Variants in PLPP4 observed in about 807,000 individuals in gnomAD.
PLPP4 encodes the protein phospholipid phosphatase 4, also known as diacylglycerol pyrophosphate like 2.
Under a neutral mutation model 32.2 loss-of-function variants are expected in PLPP4, and 20 were observed. That is an observed-to-expected ratio of 0.62 (90% CI 0.44 to 0.90). The LOEUF is 0.90. PLPP4 is among the 40% of genes least tolerant of loss of function. The pLI is 0.00. For missense variants in PLPP4, 257 were observed against 353.1 expected (o/e 0.73, Z 2.18); for synonymous variants, 127 against 133.0 (o/e 0.95, Z 0.31).
intron 2 of PLPP4, among the ~76,000 whole-genome samples, chr10:120,506,785 G>T (rs1322688312): frequency 6.6e-6 from 1 of 152,172 alleles, no homozygotes; most frequent in South Asian, 2.1e-4. Context: ...TTGCACTTTC[G>T]CTGTCTGTGG....
At chr10:120,493,981 T>C (rs1564793978) in intron 1 of PLPP4, among the ~76,000 whole-genome samples, 1 of 152,110 alleles carries the variant, frequency 6.6e-6, no homozygotes, top group African/African-American at 2.4e-5. Flanking sequence ...AATTGACTTA[T>C]TGAATAATTC....
At position 120,565,303 on chromosome 10, in the gene PLPP4, ATTTG is replaced by A. The variant is rs1168885212; in HGVS notation, c.446-9822_446-9819del. 4.0e-5 allele frequency among the ~76,000 whole-genome samples: 5 copies of A among 124,640 alleles called. No individual in the cohort carries two copies. In the Admixed American group the frequency reaches 4.1e-4, roughly 10 times the overall value. 81.8% of individuals were successfully genotyped at this position (124,640 alleles called of 152,430 possible). On this transcript the variant is annotated intron_variant, in intron 5 of 6. Transcript: ENST00000398250. ...AAACATATCCCTTACATTTCCTTTG[ATTTG>A]TTTGTGTGGTGTGTGTGTGTGTGTG...
intron 1 of PLPP4, among the ~76,000 whole-genome samples, chr10:120,466,937 A>G (rs1848350431): frequency 6.6e-6 from 1 of 152,212 alleles, no homozygotes; most frequent in Non-Finnish European, 1.5e-5. Flanking sequence ...CTGACATCAC[A>G]GTGTAATAAT....
chr10:120,498,436 A>G (rs1845072754), intron 1 of PLPP4, among the ~76,000 whole-genome samples: 1 of 152,240 alleles, frequency 6.6e-6, no homozygotes, highest in Non-Finnish European at 1.5e-5. Flanking sequence ...GAAATGATTC[A>G]TAAATGATAC....
At position 120,507,385 on chromosome 10, in the gene PLPP4, CATT is replaced by C. The variant is rs756684437; in HGVS notation, c.165+3462_165+3464del. On this transcript the variant is annotated intron_variant, in intron 2 of 6. Transcript: ENST00000398250. ...TTATCATCATCATCATCATCATCAT[CATT>C]ATCATCATCATCATCAACAACAGTA... Among the ~76,000 whole-genome samples the C allele has an allele frequency of 1.6e-4, 21 of 131,996 alleles. No individual in the cohort carries two copies. In the South Asian group the frequency reaches 2.1e-3, roughly 13 times the overall value. 86.6% of individuals were successfully genotyped at this position (131,996 alleles called of 152,430 possible). A position where few individuals can be genotyped will look rare whatever the true frequency, so the allele number is the denominator to read the frequency against.
intron 6 of PLPP4, among the ~76,000 whole-genome samples, chr10:120,576,311 G>A (rs1454798514): frequency 6.6e-6 from 1 of 152,152 alleles, no homozygotes; most frequent in African/African-American, 2.4e-5. Flanking sequence ...CTTGTTTTCC[G>A]ACTGTTGCTG....
In PLPP4 at chr10:120,478,953, G is replaced by T. The variant is rs140728319; in HGVS notation, c.56+21592G>T. On this transcript the variant is annotated intron_variant, in intron 1 of 6. Coordinates refer to ENST00000398250, the MANE Select transcript of PLPP4 (RefSeq NM_001030059.3). Reference sequence around the variant, plus strand: ...TTCTGAGTCAAAAAACTGGCTGGGCGCAGTGGCTCACGCCTGTAATCCCAG... The same window carrying T: ...TTCTGAGTCAAAAAACTGGCTGGGCTCAGTGGCTCACGCCTGTAATCCCAG... Among the ~76,000 whole-genome samples the T allele has an allele frequency of 3.3e-5, 5 of 152,316 alleles. No individual in the cohort carries two copies. In the East Asian group the frequency reaches 7.7e-4, roughly 23 times the overall value.
intron 1 of PLPP4, among the ~76,000 whole-genome samples, chr10:120,465,834 C>G (rs1024632127): frequency 2.0e-5 from 3 of 152,090 alleles, no homozygotes; most frequent in Admixed American, 2.0e-4. Context: ...AGTTTGTGTT[C>G]TTTTGTGTGA....
intron 1 of PLPP4, among the ~76,000 whole-genome samples, chr10:120,463,168 A>C (rs1023156487): frequency 1.3e-5 from 2 of 151,770 alleles, no homozygotes; most frequent in African/African-American, 2.4e-5. Context: ...CTGGGACTAC[A>C]GGTGCCCGCC....
chr10:120,473,623 C>G (rs1843760159), intron 1 of PLPP4, among the ~76,000 whole-genome samples: 1 of 152,184 alleles, frequency 6.6e-6, no homozygotes, highest in South Asian at 2.1e-4. Flanking sequence ...CCACCCAAAT[C>G]TCATGTTGAA....
chr10:120,552,611 A>C (rs1027426638), intron 5 of PLPP4, among the ~76,000 whole-genome samples: 1 of 152,224 alleles, frequency 6.6e-6, no homozygotes, highest in East Asian at 1.9e-4. Flanking sequence ...CAGGAAAGCA[A>C]TCTGGCTGGT....
At chr10:120,560,821 C>A (rs545877464) in intron 5 of PLPP4, among the ~76,000 whole-genome samples, 4 of 152,126 alleles carry the variant, frequency 2.6e-5, no homozygotes, top group African/African-American at 9.6e-5. Context: ...ATTTTTGCAC[C>A]AACCTGTACA....
At chr10:120,486,414 G>A (rs1844458752) in intron 1 of PLPP4, among the ~76,000 whole-genome samples, 1 of 152,110 alleles carries the variant, frequency 6.6e-6, no homozygotes, top group Admixed American at 6.5e-5. Context: ...AGTCACTCAG[G>A]TGTGGCTCTG....
In PLPP4 at chr10:120,527,552, G is replaced by A. The variant is rs548146431; in HGVS notation, c.445+6457G>A. 9.9e-5 allele frequency among the ~76,000 whole-genome samples: 15 copies of A among 152,120 alleles called. No homozygotes were observed. The South Asian group carries it at 3.1e-3, about 32-fold the overall frequency. On this transcript the variant is annotated intron_variant, in intron 5 of 6. Transcript: ENST00000398250. ...TGGTGTGTGTTTGACTGAACAACTG[G>A]CCACCATAGTCTAGCCAAGTTGACA...
intron 1 of PLPP4, among the ~76,000 whole-genome samples, chr10:120,459,433 G>T: frequency 6.6e-6 from 1 of 152,192 alleles, no homozygotes; most frequent in East Asian, 1.9e-4. Context: ...CTGGGAGGAC[G>T]GCTGGGAGCA....
intron 5 of PLPP4, among the ~76,000 whole-genome samples, chr10:120,568,784 G>A (rs1332325071): frequency 2.0e-5 from 3 of 152,186 alleles, no homozygotes; most frequent in African/African-American, 7.2e-5. Flanking sequence ...TAGACCTTCT[G>A]TAGATTAAGA....
At chr10:120,475,188 A>G (rs1843842982) in intron 1 of PLPP4, among the ~76,000 whole-genome samples, 1 of 151,930 alleles carries the variant, frequency 6.6e-6, no homozygotes, top group Non-Finnish European at 1.5e-5. Flanking sequence ...TATACCCAGC[A>G]GCTCCCTGGG....
Position 120,575,202 on chromosome 10 carries a change from C to T in PLPP4, c.517C>T (p.Arg173Trp), listed in dbSNP as rs764858704. The T allele has an allele frequency of 5.3e-5, 85 of 1,613,848 alleles. No individual in the cohort carries two copies. The highest frequency in any genetic ancestry group is 6.4e-5 in the Non-Finnish European group (75 of 1,180,030). Residue 173 changes from arginine to tryptophan, a missense_variant, in exon 6 of 7, where the codon CGG (arginine) becomes TGG (tryptophan). Transcript: ENST00000398250. ...GCTGCACTGCTTCACCGAGAGTGGG[C>T]GGGGAAAGAGCTGGCGGCTCTGTGC... ...GKLHCFTESGRGKSWRLCAAI... is the reference protein window; with the variant it reads ...GKLHCFTESGWGKSWRLCAAI...
intron 1 of PLPP4, among the ~76,000 whole-genome samples, chr10:120,492,114 C>G (rs1047669146): frequency 6.6e-5 from 10 of 152,164 alleles, no homozygotes; most frequent in Admixed American, 5.9e-4. Context: ...GTGCTCTGCC[C>G]ATTTTATAGA....
Sources: allele counts gnomAD v4.1 joint callset (sites outside exome capture counted in the v4.1 genomes callset), GRCh38; gene constraint gnomAD v4.1.1; transcripts MANE v1.5; gene names NCBI Gene and HGNC (gene_info 2026-07-23, HGNC 2026-07-21).